The following SATB2 variants were observed in gnomAD, a reference collection of about 807,000 sequenced individuals.
SATB2 encodes DNA-binding protein SATB2.
A neutral mutation model predicts 73.4 loss-of-function variants in SATB2; 1 was observed. The observed-to-expected ratio is 0.01, with a 90% confidence interval of 0.00 to 0.06. SATB2 has a LOEUF of 0.06. Among genes scored for constraint, SATB2 ranks in the 10% least tolerant of loss-of-function variants. The probability of loss-of-function intolerance (pLI) is 1.00; values close to 1 mark genes in which losing one functional copy is unlikely to be tolerated. For synonymous variants in SATB2, 397 were observed against 367.0 expected (o/e 1.08, Z -0.93); for missense variants, 459 against 945.8 (o/e 0.49, Z 6.75).
At chr2:199,467,558 G>GGA (rs1032152070), upstream of SATB2, 9 of 152,346 alleles carry the variant, frequency 5.9e-5, no homozygotes, top group African/African-American at 2.2e-4. Flanking sequence ...TGAGGGCGGG[G>GGA]GAGAGAGACA....
At chr2:199,393,271 G>C in intron 3 of SATB2, among the ~76,000 whole-genome samples, 1 of 152,164 alleles carries the variant, frequency 6.6e-6, no homozygotes, top group East Asian at 1.9e-4. Flanking sequence ...AAGGAGGGAA[G>C]GAGGGAATGA....
At chr2:199,444,274 G>T (rs910748754) in intron 2 of SATB2, among the ~76,000 whole-genome samples, 3 of 152,058 alleles carry the variant, frequency 2.0e-5, no homozygotes, top group African/African-American at 7.2e-5. Flanking sequence ...GCCAATGAAA[G>T]AGTTATTCCA....
chr2:199,298,223 T>A (rs1687175807), intron 10 of SATB2, among the ~76,000 whole-genome samples: 5 of 152,086 alleles, frequency 3.3e-5, no homozygotes, highest in Admixed American at 3.3e-4. Flanking sequence ...AATAACCCCA[T>A]CAATTTGGGA....
intron 7 of SATB2, among the ~76,000 whole-genome samples, chr2:199,337,415 A>G (rs1688367110): frequency 6.6e-6 from 1 of 152,228 alleles, no homozygotes. Context: ...ATCATAATTA[A>G]CATATCATAA....
chr2:199,298,446 TA>T (rs1687183304), intron 10 of SATB2, among the ~76,000 whole-genome samples: 1 of 152,162 alleles, frequency 6.6e-6, no homozygotes, highest in South Asian at 2.1e-4. Context: ...AAGTATTTTT[TA>T]AAAAAGAAGA....
chr2:199,288,617 C>T (rs1374153657), intron 10 of SATB2, among the ~76,000 whole-genome samples: 2 of 152,116 alleles, frequency 1.3e-5, no homozygotes, highest in African/African-American at 4.8e-5. Flanking sequence ...AAAATACTAC[C>T]TCAGCATATT....
chr2:199,350,937 C>T (rs1364949956), intron 6 of SATB2, among the ~76,000 whole-genome samples: 1 of 150,344 alleles, frequency 6.7e-6, no homozygotes, highest in Admixed American at 6.7e-5. Flanking sequence ...TCAGGAGAAT[C>T]GCTTGAACCC....
intron 6 of SATB2, among the ~76,000 whole-genome samples, chr2:199,366,812 TA>T (rs36110374): frequency 0.63 from 88,284 of 140,754 alleles, 29,085 homozygotes; most frequent in Non-Finnish European, 0.75. Flanking sequence ...TTACTATCTT[TA>T]AAAAAAAAAA....
At chr2:199,364,079 G>A (rs1010580790) in intron 6 of SATB2, among the ~76,000 whole-genome samples, 1 of 152,188 alleles carries the variant, frequency 6.6e-6, no homozygotes, top group African/African-American at 2.4e-5. Flanking sequence ...AGCAAGGGCT[G>A]CCTTATGGAA....
At chr2:199,327,580 A>C (rs765119244) in intron 8 of SATB2, among the ~76,000 whole-genome samples, 1 of 152,188 alleles carries the variant, frequency 6.6e-6, no homozygotes, top group African/African-American at 2.4e-5. Context: ...TTTAGGGGAA[A>C]TAGGGGATAG....
chr2:199,318,784 C>T (rs1222204794), intron 9 of SATB2, among the ~76,000 whole-genome samples: 1 of 151,164 alleles, frequency 6.6e-6, no homozygotes, highest in Non-Finnish European at 1.5e-5. Flanking sequence ...AAATTAATTA[C>T]TCTCTTTCCT....
rs1689228507 is a variant in SATB2 at position 199,364,485 on chromosome 2, T to C, written c.700+4120A>G. ...CCTCTTTTCTCCCAGCTTTTTAATA[T>C]CTGGCAAAAGAAGTTCAAATAAACA... On this transcript the variant is annotated intron_variant, in intron 6 of 10. Transcript: ENST00000417098. Among the ~76,000 whole-genome samples, 3 of 152,106 alleles carry C rather than the reference T, an allele frequency of 2.0e-5. No homozygotes were observed. In the South Asian group the frequency reaches 6.2e-4, roughly 31 times the overall value.
At chr2:199,364,084 A>G (rs1302255568) in intron 6 of SATB2, among the ~76,000 whole-genome samples, 2 of 152,232 alleles carry the variant, frequency 1.3e-5, no homozygotes, top group Admixed American at 6.5e-5. Context: ...GGGCTGCCTT[A>G]TGGAACCAGG....
chr2:199,318,236 C>G (rs888574734), intron 9 of SATB2, among the ~76,000 whole-genome samples: 2 of 151,994 alleles, frequency 1.3e-5, no homozygotes, highest in Admixed American at 1.3e-4. Context: ...CTCAGGTCAG[C>G]AACATGTCTA....
At chr2:199,469,360 G>A (rs1166924209), upstream of SATB2, among the ~76,000 whole-genome samples, 5 of 152,090 alleles carry the variant, frequency 3.3e-5, no homozygotes, top group African/African-American at 1.2e-4. Flanking sequence ...GGAAGTAAAC[G>A]GCGTCCTCCC....
chr2:199,290,960 C>T (rs1012038822), intron 10 of SATB2, among the ~76,000 whole-genome samples: 1 of 152,010 alleles, frequency 6.6e-6, no homozygotes, highest in Non-Finnish European at 1.5e-5. Flanking sequence ...TTTATAAAAG[C>T]CAGAAGTATT....
At chr2:199,351,183 C>CAA (rs1380295484) in intron 6 of SATB2, among the ~76,000 whole-genome samples, 1 of 135,880 alleles carries the variant, frequency 7.4e-6, no homozygotes, top group African/African-American at 2.8e-5. Flanking sequence ...TTTTTTAAGA[C>CAA]AGAGTTTCAC....
At chr2:199,430,287 T>A (rs1300408242) in intron 3 of SATB2, among the ~76,000 whole-genome samples, 1 of 152,220 alleles carries the variant, frequency 6.6e-6, no homozygotes, top group Non-Finnish European at 1.5e-5. Flanking sequence ...TTAACATGCC[T>A]CTTTCAAAAG....
At chr2:199,286,479 C>T (rs1272190520) in intron 10 of SATB2, among the ~76,000 whole-genome samples, 1 of 151,768 alleles carries the variant, frequency 6.6e-6, no homozygotes, top group Non-Finnish European at 1.5e-5. Context: ...TGACCAAAAC[C>T]ATTCCACAAA....
Sources: allele counts gnomAD v4.1 joint callset (sites outside exome capture counted in the v4.1 genomes callset), GRCh38; gene constraint gnomAD v4.1.1; transcripts MANE v1.5; gene names NCBI Gene and HGNC (gene_info 2026-07-23, HGNC 2026-07-21).